DMD: variants seen among roughly 807,000 people sequenced by gnomAD.
DMD encodes dystrophin.
DMD carries 63 observed loss-of-function variants against 330.1 expected under a neutral mutation model. The observed-to-expected ratio is 0.19, with a 90% confidence interval of 0.16 to 0.24. The LOEUF is 0.24. DMD is among the 10% of genes least tolerant of loss of function. DMD has a pLI of 1.00. For missense variants in DMD, 3,344 were observed against 2,684.1 expected, an observed-to-expected ratio of 1.25 and a Z score of -5.43; for synonymous variants, 1,223 against 959.8, an observed-to-expected ratio of 1.27 and a Z score of -5.07.
At chrX:33,101,546 G>A (rs900940790) in intron 1 of DMD, among the ~76,000 whole-genome samples, 1 of 111,688 alleles carries the variant, frequency 9.0e-6, no homozygotes, top group Non-Finnish European at 1.9e-5. Flanking sequence ...CAGGAGAATC[G>A]CTTGAACCAG....
chrX:32,057,522 A>G (rs1174724226), intron 44 of DMD, among the ~76,000 whole-genome samples: 2 of 111,581 alleles, frequency 1.8e-5, no homozygotes. Context: ...CAATAGCAAT[A>G]AAAAGAATAA....
chrX:32,637,810 C>A (rs1311334365), intron 11 of DMD, among the ~76,000 whole-genome samples: 1 of 111,383 alleles, frequency 9.0e-6, no homozygotes, highest in Admixed American at 9.5e-5. Flanking sequence ...GGTTACACTC[C>A]CATGATTCAA....
intron 50 of DMD, among the ~76,000 whole-genome samples, chrX:31,805,850 A>G (rs1008578669): frequency 1.8e-5 from 2 of 112,435 alleles, no homozygotes; most frequent in African/African-American, 6.5e-5. Context: ...TAAACAATCT[A>G]TATTCCCTTT....
intron 42 of DMD, among the ~76,000 whole-genome samples, chrX:32,300,026 A>G (rs2097515805): frequency 8.9e-6 from 1 of 111,812 alleles, no homozygotes; most frequent in Non-Finnish European, 1.9e-5. Context: ...TATAACTATA[A>G]TATGTATATT....
chrX:32,560,155 C>T (rs1451287661), intron 16 of DMD, among the ~76,000 whole-genome samples: 1 of 104,538 alleles, frequency 9.6e-6, no homozygotes, highest in African/African-American at 3.4e-5. Context: ...TACTAAAAAT[C>T]CACAAAACTA....
chrX:31,197,913 A>G (rs1227531869), intron 67 of DMD, among the ~76,000 whole-genome samples: 7 of 110,434 alleles, frequency 6.3e-5, no homozygotes, highest in African/African-American at 2.3e-4. Flanking sequence ...AGCCATAAAA[A>G]ATGAAATCCC....
At chrX:32,787,645 C>A (rs1288125100) in intron 7 of DMD, among the ~76,000 whole-genome samples, 2 of 111,138 alleles carry the variant, frequency 1.8e-5, no homozygotes, top group African/African-American at 6.5e-5. Flanking sequence ...ACAATTATAG[C>A]AATATGCAGT....
intron 9 of DMD, among the ~76,000 whole-genome samples, chrX:32,675,441 C>T (rs2147250229): frequency 8.9e-6 from 1 of 111,761 alleles, no homozygotes; most frequent in African/African-American, 3.2e-5. Flanking sequence ...CTTCACCTTT[C>T]ATTTTATAAA....
chrX:32,103,793 A>C (rs2096551444), intron 44 of DMD, among the ~76,000 whole-genome samples: 1 of 112,006 alleles, frequency 8.9e-6, no homozygotes, highest in South Asian at 3.7e-4. Context: ...AGTTAAGAGA[A>C]ATTCACATCA....
intron 7 of DMD, among the ~76,000 whole-genome samples, chrX:32,788,745 A>G (rs983892696): frequency 2.7e-5 from 3 of 112,068 alleles, no homozygotes; most frequent in African/African-American, 9.7e-5. Flanking sequence ...AAATTAAGCC[A>G]TTTGCTTATT....
intron 55 of DMD, among the ~76,000 whole-genome samples, chrX:31,594,430 T>C (rs749437413): frequency 1.8e-5 from 2 of 111,503 alleles, no homozygotes; most frequent in Non-Finnish European, 3.8e-5. Context: ...ACCTAAGTTA[T>C]TATCAGCTGA....
intron 17 of DMD, among the ~76,000 whole-genome samples, chrX:32,535,155 C>T (rs1481061104): frequency 9.0e-6 from 1 of 111,259 alleles, no homozygotes; most frequent in African/African-American, 3.3e-5. Flanking sequence ...ATATACATTC[C>T]ATTTCAGGGG....
intron 1 of DMD, among the ~76,000 whole-genome samples, chrX:33,084,118 G>A: frequency 8.9e-6 from 1 of 112,157 alleles, no homozygotes; most frequent in Non-Finnish European, 1.9e-5. Flanking sequence ...ACGCACATTG[G>A]GTTGGAATAC....
rs78011867 is a variant in DMD at position 31,182,266 on chromosome X, G to GA, written c.9974+471dup. ...AAAACAATTCTTGTTACTTAAGGGA[G>GA]AAAAAAAAATGGTGCAAAGTGAATG... On this transcript the variant is annotated intron_variant, in intron 68 of 78. Transcript: ENST00000357033. Among the ~76,000 whole-genome samples the GA allele has an allele frequency of 2.0e-3, 222 of 109,793 alleles. 8 individuals carry two copies. In the East Asian group the frequency reaches 0.062, roughly 31 times the overall value.
At chrX:31,312,605 G>A (rs566018295) in intron 62 of DMD, among the ~76,000 whole-genome samples, 3 of 112,381 alleles carry the variant, frequency 2.7e-5, no homozygotes, top group East Asian at 5.6e-4. Flanking sequence ...TCCCATTACT[G>A]GGTATACACC....
intron 1 of DMD, among the ~76,000 whole-genome samples, chrX:33,295,566 CA>C (rs1478140713): frequency 9.0e-6 from 1 of 111,325 alleles, no homozygotes; most frequent in East Asian, 2.8e-4. Context: ...CTAGCTATAT[CA>C]GCAAGGTAAA....
intron 7 of DMD, among the ~76,000 whole-genome samples, chrX:32,735,434 C>A (rs2068322693): frequency 9.0e-6 from 1 of 110,814 alleles, no homozygotes; most frequent in African/African-American, 3.3e-5. Flanking sequence ...TGATATGGAA[C>A]CAAAAAAGAG....
At chrX:31,691,866 T>C (rs1348369460) in intron 52 of DMD, among the ~76,000 whole-genome samples, 2 of 111,536 alleles carry the variant, frequency 1.8e-5, no homozygotes, top group Non-Finnish European at 3.8e-5. Flanking sequence ...CTTTAAGCAA[T>C]AGACAGAAAA....
At chrX:32,883,801 G>C (rs2084209699) in intron 2 of DMD, among the ~76,000 whole-genome samples, 1 of 82,084 alleles carries the variant, frequency 1.2e-5, no homozygotes, top group African/African-American at 4.9e-5. Flanking sequence ...TCCAGCCTGG[G>C]TGACAGAGCA....
Sources: gnomAD v4.1 joint callset for allele counts (sites outside exome capture counted in the v4.1 genomes callset) on GRCh38, gnomAD v4.1.1 for gene constraint, MANE v1.5 for transcripts, NCBI Gene and HGNC (gene_info 2026-07-23, HGNC 2026-07-21) for gene names.